Variants in PSAT1 observed in about 807,000 individuals in gnomAD.
PSAT1 encodes phosphoserine aminotransferase 1, also known as phosphoserine aminotransferase.
Under a neutral mutation model 40.3 loss-of-function variants are expected in PSAT1, and 41 were observed. The ratio of observed to expected loss-of-function variants is 1.02; its 90% CI spans 0.79 to 1.32. The LOEUF (loss-of-function observed/expected upper bound fraction) is 1.32. PSAT1 is among the 40% of genes most tolerant of loss of function. The probability of loss-of-function intolerance (pLI) is 0.00; values close to 1 mark genes in which losing one functional copy is unlikely to be tolerated. For synonymous variants in PSAT1, 147 were observed against 170.5 expected (o/e 0.86, Z 1.07); for missense variants, 406 against 455.8 (o/e 0.89, Z 0.99).
rs147643091 is a variant in PSAT1, at chr9:78,301,474, C to T, written c.122-480C>T. On this transcript the variant is annotated intron_variant, in intron 2 of 8. Coordinates refer to ENST00000376588, the MANE Select transcript of PSAT1 (RefSeq NM_058179.4). ...AAAACTTATTTTCTTTTATTTTTGGCGGTTCTGAAGACTGCATGGTATTAA... is the reference window on the plus strand; with the variant it reads ...AAAACTTATTTTCTTTTATTTTTGGTGGTTCTGAAGACTGCATGGTATTAA... Among the ~76,000 whole-genome samples the T allele has an allele frequency of 4.7e-3, 715 of 152,158 alleles. 6 individuals are homozygous for T. The highest frequency in any genetic ancestry group is 0.016 in the African/African-American group (679 of 41,506).
chr9:78,303,578 A>G (rs1466117282), intron 3 of PSAT1, among the ~76,000 whole-genome samples: 1 of 152,136 alleles, frequency 6.6e-6, no homozygotes, highest in Non-Finnish European at 1.5e-5. Flanking sequence ...ACTGCCCTGC[A>G]TCTGAATAAT....
At chr9:78,297,579 C>T (rs1314282819) in intron 1 of PSAT1, among the ~76,000 whole-genome samples, 1 of 152,248 alleles carries the variant, frequency 6.6e-6, no homozygotes, top group Admixed American at 6.5e-5. Flanking sequence ...CTGCAGACGC[C>T]CGGGCTGTGC....
Position 78,304,910 on chromosome 9 carries a change from A to G in PSAT1, c.367A>G (p.Ile123Val), listed in dbSNP as rs116577685. The G allele has an allele frequency of 3.6e-4, 573 of 1,612,894 alleles. 4 individuals are homozygous for G. In the African/African-American group the frequency reaches 6.8e-3, roughly 19 times the overall value. ...EEAKKFGTIN[I>V]VHPKLGSYTK... ...AGCCAAGAAGTTTGGGACTATAAAT[A>G]TCGTTCACCCTAAACTTGGGAGTTA... Residue 123 changes from isoleucine (I) to valine (V), a missense_variant, in exon 4 of 9, where the codon ATC becomes GTC. Ile to Val is a conservative substitution (Grantham distance 29). Transcript: ENST00000376588.
chr9:78,321,047 A>T (rs1039161291), intron 7 of PSAT1, among the ~76,000 whole-genome samples: 3 of 152,080 alleles, frequency 2.0e-5, no homozygotes, highest in Non-Finnish European at 2.9e-5. Flanking sequence ...AACTCCAAGC[A>T]CTAAACCTGG....
At chr9:78,319,680 T>G (rs2118687149) in intron 7 of PSAT1, among the ~76,000 whole-genome samples, 1 of 152,286 alleles carries the variant, frequency 6.6e-6, no homozygotes, top group Non-Finnish European at 1.5e-5. Context: ...TACTCTTTGG[T>G]TGGAGTGAAG....
chr9:78,322,637 CAT>C (rs2118697883), intron 7 of PSAT1, among the ~76,000 whole-genome samples: 2 of 152,138 alleles, frequency 1.3e-5, no homozygotes, highest in African/African-American at 4.8e-5. Context: ...GTATATTAAA[CAT>C]AAAGGTTACT....
intron 7 of PSAT1, among the ~76,000 whole-genome samples, chr9:78,321,330 CTCTCCTCTGTT>C (rs1828426743): frequency 6.6e-6 from 1 of 152,190 alleles, no homozygotes; most frequent in Non-Finnish European, 1.5e-5. Context: ...TGTACTCTGT[CTCTCCTCTGTT>C]TATAGCTGGA....
chr9:78,316,290 G>C (rs1587642894), intron 6 of PSAT1, among the ~76,000 whole-genome samples: 1 of 152,270 alleles, frequency 6.6e-6, no homozygotes, highest in Non-Finnish European at 1.5e-5. Context: ...CTGAGCTGCG[G>C]GAAGGGCCCA....
At chr9:78,313,884 C>G in intron 6 of PSAT1, among the ~76,000 whole-genome samples, 1 of 152,146 alleles carries the variant, frequency 6.6e-6, no homozygotes, top group East Asian at 1.9e-4. Context: ...TGGCCTCAAG[C>G]TGTCCTCCCA....
At position 78,328,045 on chromosome 9, in the gene PSAT1, T is replaced by TAA; in HGVS notation, c.870-6_870-5insAA. 6.2e-7 allele frequency: 1 copy of TAA among 1,609,816 alleles called. No homozygotes were observed. The highest frequency in any genetic ancestry group is 1.7e-5 in the Admixed American group (1 of 60,020). The stretch of plus-strand genomic sequence containing the variant: ...AAGTAGCTGGAATAATAAACATGTT[T>TAA]TTCAGTTGTCCAGTGGAGCCCCAAA... On this transcript the variant is annotated splice_polypyrimidine_tract_variant and splice_region_variant and intron_variant, in intron 7 of 8. Transcript: ENST00000376588.
chr9:78,308,334 C>T lies in PSAT1; in HGVS notation c.571-80C>T, dbSNP rs3739476. 0.12 allele frequency: 178,330 copies of T among 1,503,968 alleles called. 14,384 individuals are homozygous for T. Among genetic ancestry groups the T allele is most frequent in the East Asian group, 0.4 (17,457 of 44,182 alleles). The allele number at this position is 1,503,968 out of a possible 1,614,324, so 93.2% of individuals were successfully genotyped here. A position where few individuals can be genotyped will look rare whatever the true frequency, so the allele number is the denominator to read the frequency against. ...TCATTTCCTTAAAAAAATTGTGCTT[C>T]GGGAAGAGTTGGGAAGTTTGCATAC... On this transcript the variant is annotated intron_variant, in intron 5 of 8. Coordinates refer to ENST00000376588, the MANE Select transcript of PSAT1 (RefSeq NM_058179.4).
At chr9:78,302,063 A>T (rs73651311) in intron 3 of PSAT1, 40 bp downstream of exon 3, 33 of 1,384,116 alleles carry the variant, frequency 2.4e-5, no homozygotes, top group South Asian at 5.8e-5. Flanking sequence ...CTTTTGTTAG[A>T]TACTTCCTAA....
At chr9:78,310,065 T>C (rs1354565964) in intron 6 of PSAT1, among the ~76,000 whole-genome samples, 1 of 152,228 alleles carries the variant, frequency 6.6e-6, no homozygotes, top group African/African-American at 2.4e-5. Context: ...TTGTTATTGT[T>C]ATTGTGAGTT....
At chr9:78,303,580 C>T (rs1828139038) in intron 3 of PSAT1, among the ~76,000 whole-genome samples, 1 of 152,158 alleles carries the variant, frequency 6.6e-6, no homozygotes. Flanking sequence ...TGCCCTGCAT[C>T]TGAATAATGT....
intron 2 of PSAT1, among the ~76,000 whole-genome samples, chr9:78,301,413 C>T (rs1443571736): frequency 6.6e-6 from 1 of 152,124 alleles, no homozygotes; most frequent in Non-Finnish European, 1.5e-5. Context: ...TATTAAGTTT[C>T]CCCTATATTT....
rs138377230 is a variant in PSAT1 at position 78,310,382 on chromosome 9, G to T, written c.740+1799G>T. 1.8e-3 allele frequency among the ~76,000 whole-genome samples: 268 copies of T among 152,216 alleles called. 1 individual carries two copies. Among genetic ancestry groups the T allele is most frequent in the African/African-American group, 6.2e-3 (257 of 41,526 alleles). Reference sequence around the variant, plus strand: ...AGCAAAAGGATGAGTGTGGATTTGCGTGTGTTTGCAGGATTCTGCCTTAGG... The same window carrying T: ...AGCAAAAGGATGAGTGTGGATTTGCTTGTGTTTGCAGGATTCTGCCTTAGG... On this transcript the variant is annotated intron_variant, in intron 6 of 8. Transcript: ENST00000376588.
intron 1 of PSAT1, among the ~76,000 whole-genome samples, chr9:78,299,758 G>T (rs1223883815): frequency 6.6e-6 from 1 of 151,916 alleles, no homozygotes; most frequent in African/African-American, 2.4e-5. Flanking sequence ...TGATCTGCCC[G>T]CCTTGGCCTC....
intron 1 of PSAT1, among the ~76,000 whole-genome samples, 171 bp downstream of exon 1, chr9:78,297,441 G>A (rs2118611249): frequency 6.6e-6 from 1 of 152,360 alleles, no homozygotes; most frequent in East Asian, 1.9e-4. Context: ...GCGGGCTTCG[G>A]GAAGAATGCA....
At chr9:78,323,807 T>C (rs1828461153) in intron 7 of PSAT1, among the ~76,000 whole-genome samples, 1 of 152,190 alleles carries the variant, frequency 6.6e-6, no homozygotes, top group South Asian at 2.1e-4. Context: ...AATTTAAAAT[T>C]AATTTTTTGT....
Sources: gnomAD v4.1 joint callset for allele counts (sites outside exome capture counted in the v4.1 genomes callset) on GRCh38, gnomAD v4.1.1 for gene constraint, MANE v1.5 for transcripts, NCBI Gene and HGNC (gene_info 2026-07-23, HGNC 2026-07-21) for gene names.